The following SLC44A5 variants were observed in gnomAD, a reference collection of about 807,000 sequenced individuals.
SLC44A5 encodes choline transporter-like protein 5.
A neutral mutation model predicts 101.8 loss-of-function variants in SLC44A5; 57 were observed. The observed-to-expected ratio is 0.56, with a 90% CI of 0.45 to 0.70. The LOEUF (loss-of-function observed/expected upper bound fraction) is 0.70, where lower values mean the gene tolerates loss of function less well. Ranked by LOEUF, SLC44A5 falls within the 30% of genes least tolerant of loss-of-function variation. The pLI is 0.00. For synonymous variants in SLC44A5, 281 were observed against 290.9 expected, an observed-to-expected ratio of 0.97 and a Z score of 0.35; for missense variants, 737 against 853.1, an observed-to-expected ratio of 0.86 and a Z score of 1.70.
intron 2 of SLC44A5, among the ~76,000 whole-genome samples, chr1:75,497,169 C>T (rs182556520): frequency 8.8e-4 from 134 of 152,052 alleles, no homozygotes; most frequent in South Asian, 1.2e-3. Flanking sequence ...AATATGTCAA[C>T]GACATATCTG....
chr1:75,282,177 G>A (rs1204378177), intron 5 of SLC44A5, among the ~76,000 whole-genome samples: 1 of 152,182 alleles, frequency 6.6e-6, no homozygotes, highest in Non-Finnish European at 1.5e-5. Context: ...AGCGTGACCT[G>A]GATGTGAGAC....
At chr1:75,492,233 A>G (rs973033357) in intron 2 of SLC44A5, among the ~76,000 whole-genome samples, 5 of 152,184 alleles carry the variant, frequency 3.3e-5, no homozygotes, top group Non-Finnish European at 5.9e-5. Context: ...CATGTGTAAC[A>G]TTTCAAAGGT....
At chr1:75,645,707 C>A in the SLC44A5 span, among the ~76,000 whole-genome samples, 5 of 137,680 alleles carry the variant, frequency 3.6e-5, no homozygotes, top group African/African-American at 1.2e-4. Flanking sequence ...TTGCCCATGC[C>A]TATGTCCTGA....
chr1:75,351,843 T>A (rs1435627115), intron 3 of SLC44A5, among the ~76,000 whole-genome samples: 4 of 7,742 alleles, frequency 5.2e-4, no homozygotes, highest in Admixed American at 1.4e-3. Flanking sequence ...TAACACACTT[T>A]ACCAAAAAAA....
intron 3 of SLC44A5, among the ~76,000 whole-genome samples, chr1:75,383,200 CGT>C (rs1306793967): frequency 9.5e-6 from 1 of 105,370 alleles, no homozygotes; most frequent in Non-Finnish European, 1.9e-5. Flanking sequence ...CCTTTGTTCA[CGT>C]GTTTGTCTGC....
intron 3 of SLC44A5, among the ~76,000 whole-genome samples, chr1:75,348,935 G>A (rs988985010): frequency 1.3e-5 from 2 of 152,068 alleles, no homozygotes; most frequent in African/African-American, 2.4e-5. Context: ...TGTAAAACTC[G>A]GTAGATAAAT....
intron 9 of SLC44A5, 91 bp downstream of exon 9, chr1:75,241,910 C>G: frequency 2.6e-6 from 3 of 1,137,810 alleles, no homozygotes; most frequent in Non-Finnish European, 4.0e-6. Flanking sequence ...CCATTCTTGG[C>G]CTCAGTCTCA....
chr1:75,697,622 A>G, the SLC44A5 span, among the ~76,000 whole-genome samples: 1 of 152,170 alleles, frequency 6.6e-6, no homozygotes. Flanking sequence ...CTGTCTCTAC[A>G]AAAAATACAA....
In SLC44A5 at chr1:75,304,293, GGTGTGT is replaced by G. The variant is rs71081327; in HGVS notation, c.102-3614_102-3609del. ...ATTGTTTTAGAAAAATTTTTAAATA[GGTGTGT>G]GTGTGTGTGTGTGTGTGTGTGTGTG... On this transcript the variant is annotated intron_variant, in intron 4 of 23. Transcript: ENST00000370859. Among the ~76,000 whole-genome samples, 77 of 65,464 alleles carry G rather than the reference GGTGTGT, an allele frequency of 1.2e-3. No homozygotes were observed. In the East Asian group the frequency reaches 0.015, roughly 13 times the overall value. 42.9% of individuals were successfully genotyped at this position (65,464 alleles called of 152,430 possible).
At chr1:75,676,226 A>G in the SLC44A5 span, among the ~76,000 whole-genome samples, 1 of 152,218 alleles carries the variant, frequency 6.6e-6, no homozygotes, top group Admixed American at 6.5e-5. Context: ...AAATTTTTCT[A>G]TTATAAAAAT....
At chr1:75,509,547 A>G (rs1182045226) in intron 2 of SLC44A5, among the ~76,000 whole-genome samples, 1 of 152,230 alleles carries the variant, frequency 6.6e-6, no homozygotes, top group South Asian at 2.1e-4. Flanking sequence ...CACAATGGAA[A>G]AGATACCCAG....
chr1:75,630,932 G>A, the SLC44A5 span, among the ~76,000 whole-genome samples: 1,050 of 148,770 alleles, frequency 7.1e-3, 16 homozygotes, highest in Admixed American at 0.038. Flanking sequence ...GCATTAAGTC[G>A]CCTATCCGGG....
chr1:75,542,345 CT>C (rs1223629932), intron 1 of SLC44A5, among the ~76,000 whole-genome samples: 2 of 151,828 alleles, frequency 1.3e-5, no homozygotes, highest in Admixed American at 6.6e-5. Flanking sequence ...TTGTTCATTG[CT>C]TTTTTTGCAT....
the SLC44A5 span, among the ~76,000 whole-genome samples, chr1:75,679,346 T>C: frequency 6.6e-6 from 1 of 152,084 alleles, no homozygotes; most frequent in Non-Finnish European, 1.5e-5. Flanking sequence ...GAAAAAATGT[T>C]AAGGGCAGCC....
intron 1 of SLC44A5, among the ~76,000 whole-genome samples, chr1:75,545,384 T>G (rs1039887542): frequency 2.6e-5 from 4 of 152,202 alleles, no homozygotes; most frequent in African/African-American, 9.6e-5. Flanking sequence ...GTAATGGGAT[T>G]GCTGGGTCAA....
intron 1 of SLC44A5, among the ~76,000 whole-genome samples, chr1:75,607,891 G>T (rs1240388296): frequency 6.6e-6 from 1 of 151,962 alleles, no homozygotes; most frequent in Non-Finnish European, 1.5e-5. Context: ...TTCATTAGCA[G>T]CATGAAAACA....
intron 2 of SLC44A5, among the ~76,000 whole-genome samples, chr1:75,459,399 T>TCATCATCA (rs1666371072): frequency 6.6e-6 from 1 of 152,234 alleles, no homozygotes; most frequent in African/African-American, 2.4e-5. Flanking sequence ...TACATAGCTA[T>TCATCATCA]GTAGCCACCA....
rs556587761 is a variant in SLC44A5 at position 75,427,862 on chromosome 1, G to A, written c.14-31241C>T. On this transcript the variant is annotated intron_variant, in intron 2 of 23. Coordinates refer to ENST00000370859, the MANE Select transcript of SLC44A5 (RefSeq NM_001130058.2). ...AAATTGTGCCTACTCAGGAATGCATGACAGTCATGTGTATGATTAGTCAAA... is the reference window on the plus strand; with the variant it reads ...AAATTGTGCCTACTCAGGAATGCATAACAGTCATGTGTATGATTAGTCAAA... Among the ~76,000 whole-genome samples the A allele has an allele frequency of 1.5e-4, 23 of 152,202 alleles. 1 individual carries two copies. In the East Asian group the frequency reaches 4.5e-3, roughly 29 times the overall value.
At chr1:75,699,286 C>T in the SLC44A5 span, among the ~76,000 whole-genome samples, 1 of 152,208 alleles carries the variant, frequency 6.6e-6, no homozygotes, top group East Asian at 1.9e-4. Context: ...GGAAGCCCAT[C>T]AGACTAACAG....
Sources: allele counts gnomAD v4.1 joint callset (sites outside exome capture counted in the v4.1 genomes callset), GRCh38; gene constraint gnomAD v4.1.1; transcripts MANE v1.5; gene names NCBI Gene and HGNC (gene_info 2026-07-23, HGNC 2026-07-21).